Variants in TENM3 observed in about 807,000 individuals in gnomAD.
The protein encoded by TENM3 is teneurin transmembrane protein 3, also known as teneurin-3.
A neutral mutation model predicts 255.1 loss-of-function variants in TENM3; 63 were observed. That is an observed-to-expected ratio of 0.25 (90% CI 0.20 to 0.30). The LOEUF is 0.30. TENM3 is among the 10% of genes least tolerant of loss of function. The pLI is 1.00. For synonymous variants in TENM3, 1,306 were observed against 1,322.3 expected (o/e 0.99, Z 0.27); for missense variants, 2,929 against 3,461.1 (o/e 0.85, Z 3.86).
intron 22 of TENM3, among the ~76,000 whole-genome samples, chr4:182,757,931 A>G (rs1231508674): frequency 6.6e-6 from 1 of 152,234 alleles, no homozygotes; most frequent in Non-Finnish European, 1.5e-5. Context: ...ACTATTCCAA[A>G]AAGCATTATT....
the TENM3 span, among the ~76,000 whole-genome samples, chr4:181,693,613 A>G: frequency 6.6e-6 from 1 of 152,144 alleles, no homozygotes; most frequent in African/African-American, 2.4e-5. Flanking sequence ...CTCATTTTTA[A>G]GCTCCAGCAG....
chr4:181,457,697 G>C, the TENM3 span, among the ~76,000 whole-genome samples: 1 of 143,742 alleles, frequency 7.0e-6, no homozygotes, highest in South Asian at 2.2e-4. Context: ...TCAAAATAAA[G>C]AAGTCAGGTA....
intron 3 of TENM3, among the ~76,000 whole-genome samples, chr4:182,597,721 A>G (rs1179523224): frequency 2.0e-5 from 3 of 152,072 alleles, no homozygotes; most frequent in Non-Finnish European, 4.4e-5. Flanking sequence ...GTTGTACTTT[A>G]TCTTGTTACA....
chr4:182,615,069 AT>A (rs35326593), intron 4 of TENM3, among the ~76,000 whole-genome samples: 21,158 of 130,234 alleles, frequency 0.16, 2,169 homozygotes, highest in African/African-American at 0.28. Flanking sequence ...ATATATATGT[AT>A]TTTTTTTTTC....
At chr4:181,613,749 T>C in the TENM3 span, among the ~76,000 whole-genome samples, 7 of 152,342 alleles carry the variant, frequency 4.6e-5, no homozygotes, top group East Asian at 3.9e-4. Flanking sequence ...CAAATTGTGA[T>C]TGGGGGGCCC....
chr4:181,899,725 A>T, the TENM3 span, among the ~76,000 whole-genome samples: 1 of 151,582 alleles, frequency 6.6e-6, no homozygotes, highest in Non-Finnish European at 1.5e-5. Flanking sequence ...GCACCACCAC[A>T]CCCAGCTAGT....
At chr4:181,709,471 AC>A in the TENM3 span, among the ~76,000 whole-genome samples, 1 of 152,254 alleles carries the variant, frequency 6.6e-6, no homozygotes, top group Non-Finnish European at 1.5e-5. Flanking sequence ...AGAGATCACT[AC>A]TGGGAATGCC....
At chr4:182,540,380 A>G (rs529656858) in intron 3 of TENM3, among the ~76,000 whole-genome samples, 1 of 152,208 alleles carries the variant, frequency 6.6e-6, no homozygotes, top group African/African-American at 2.4e-5. Context: ...ACCTGAGGTC[A>G]GGAGTTTGAG....
the TENM3 span, among the ~76,000 whole-genome samples, chr4:181,887,231 T>C: frequency 6.7e-6 from 1 of 150,230 alleles, no homozygotes; most frequent in East Asian, 1.9e-4. Context: ...ATTATATGGC[T>C]ATCTTTACAC....
chr4:181,498,800 G>T, the TENM3 span, among the ~76,000 whole-genome samples: 214 of 152,236 alleles, frequency 1.4e-3, no homozygotes, highest in Non-Finnish European at 2.5e-3. Flanking sequence ...CCTGTCAGGG[G>T]TAAGAAGGCA....
chr4:181,465,830 C>T, the TENM3 span, among the ~76,000 whole-genome samples: 2 of 152,154 alleles, frequency 1.3e-5, no homozygotes, highest in South Asian at 2.1e-4. Context: ...GCTAGATGCA[C>T]ACATCACATC....
chr4:182,183,070 A>C (rs1382632127), intron 1 of TENM3, among the ~76,000 whole-genome samples: 1 of 152,220 alleles, frequency 6.6e-6, no homozygotes, highest in Non-Finnish European at 1.5e-5. Context: ...AGAAATATAC[A>C]TCAATTTGAT....
At chr4:181,533,724 C>G in the TENM3 span, among the ~76,000 whole-genome samples, 1 of 151,598 alleles carries the variant, frequency 6.6e-6, no homozygotes, top group Non-Finnish European at 1.5e-5. Context: ...GCCTATACCC[C>G]TGCCTTTAAA....
the TENM3 span, among the ~76,000 whole-genome samples, chr4:181,579,944 ATTTTATTTTATTTTATTTTATTTTAT>A: frequency 5.5e-5 from 1 of 18,128 alleles, no homozygotes; most frequent in African/African-American, 2.4e-4. Context: ...ATTTTATTTT[ATTTTATTTTATTTTATTTTATTTTAT>A]TTTATTTTAT....
At chr4:182,107,253 G>A in the TENM3 span, among the ~76,000 whole-genome samples, 1 of 152,010 alleles carries the variant, frequency 6.6e-6, no homozygotes, top group Non-Finnish European at 1.5e-5. Flanking sequence ...TTCATGATGA[G>A]CTGATCCCTC....
chr4:182,126,935 T>C, the TENM3 span, among the ~76,000 whole-genome samples: 1 of 152,200 alleles, frequency 6.6e-6, no homozygotes, highest in African/African-American at 2.4e-5. Flanking sequence ...TCACATTGCA[T>C]AGCCACAAAT....
chr4:182,457,315 T>C (rs556591073), intron 3 of TENM3, among the ~76,000 whole-genome samples: 1 of 152,022 alleles, frequency 6.6e-6, no homozygotes, highest in Non-Finnish European at 1.5e-5. Context: ...TAATCCAGAC[T>C]GGACATTTTC....
chr4:181,501,606 C>G, the TENM3 span, among the ~76,000 whole-genome samples: 2 of 152,064 alleles, frequency 1.3e-5, no homozygotes, highest in African/African-American at 4.8e-5. Context: ...TCTCGAATTC[C>G]TGGCCTCGTA....
the TENM3 span, among the ~76,000 whole-genome samples, chr4:182,059,532 GA>G: frequency 2.0e-5 from 3 of 151,748 alleles, no homozygotes; most frequent in East Asian, 5.8e-4. Flanking sequence ...AAGTTCCACT[GA>G]AAATATAGAT....
Sources: gnomAD v4.1 joint callset for allele counts (sites outside exome capture counted in the v4.1 genomes callset) on GRCh38, gnomAD v4.1.1 for gene constraint, MANE v1.5 for transcripts, NCBI Gene and HGNC (gene_info 2026-07-23, HGNC 2026-07-21) for gene names.